Variants in ADAP1 observed in about 807,000 individuals in gnomAD.
ADAP1 encodes arf-GAP with dual PH domain-containing protein 1.
In ADAP1, 31 loss-of-function variants were observed where a neutral mutation model predicts 54.9. The observed-to-expected ratio is 0.56, with a 90% CI of 0.42 to 0.76. The LOEUF is 0.76. Ranked by LOEUF, ADAP1 falls within the 30% of genes least tolerant of loss-of-function variation. ADAP1 has a pLI of 0.00. For synonymous variants in ADAP1, 313 were observed against 202.6 expected (o/e 1.55, Z -4.63); for missense variants, 535 against 512.4 (o/e 1.04, Z -0.42).
chr7:913,705 C>A (rs192635476), intron 4 of ADAP1, among the ~76,000 whole-genome samples: 2 of 151,834 alleles, frequency 1.3e-5, no homozygotes, highest in African/African-American at 4.8e-5. Flanking sequence ...GAGGCCGAGG[C>A]GGGCGGGTCA....
intron 1 of ADAP1, among the ~76,000 whole-genome samples, 166 bp from the exon 2 acceptor site, chr7:935,671 T>TC (rs3215362): frequency 1.7e-3 from 254 of 146,502 alleles, no homozygotes; most frequent in African/African-American, 4.2e-3. Flanking sequence ...TAACCCCAGC[T>TC]CCCCCCCCGC....
intron 3 of ADAP1, chr7:922,906 A>C (rs371034223): frequency 9.1e-6 from 1 of 110,392 alleles, no homozygotes; most frequent in African/African-American, 3.6e-5. Context: ...GGCTGCTACC[A>C]CCTGAACCGC....
intron 1 of ADAP1, among the ~76,000 whole-genome samples, chr7:935,784 G>C (rs955917318): frequency 6.6e-6 from 1 of 152,106 alleles, no homozygotes; most frequent in African/African-American, 2.4e-5. Context: ...GGAACCTCCA[G>C]CAGAGGCCGG....
chr7:927,104 C>G (rs1013799355), intron 2 of ADAP1: 45 of 1,304,086 alleles, frequency 3.5e-5, no homozygotes, highest in Non-Finnish European at 4.4e-5. Flanking sequence ...TGGAGATGGG[C>G]TGGTGAGCGA....
chr7:900,569 G>A lies in ADAP1; in HGVS notation c.696C>T (p.Tyr232=), dbSNP rs1454225590. The change falls in exon 7 of 11, where the codon TAC becomes TAT. Residue 232 remains tyrosine (Y), a synonymous_variant. Coordinates refer to ENST00000265846, the MANE Select transcript of ADAP1 (RefSeq NM_006869.4). ...FNALRAARFH[Y]LQVAFPGAGD... Reference sequence around the variant, plus strand: ...CGGCCCCTGGGAATGCCACCTGCAGGTAGTGGAAGCGAGCAGCTCGGAGTG... The same window carrying A: ...CGGCCCCTGGGAATGCCACCTGCAGATAGTGGAAGCGAGCAGCTCGGAGTG... 6.2e-7 allele frequency: 1 copy of A among 1,611,492 alleles called. No individual in the cohort carries two copies. Among genetic ancestry groups the A allele is most frequent in the African/African-American group, 1.3e-5 (1 of 74,726 alleles).
intron 3 of ADAP1, among the ~76,000 whole-genome samples, chr7:925,437 TCCCTCCTCCCTCTTCCCTCCGGCCTC>T (rs1272421459): frequency 7.3e-6 from 1 of 137,828 alleles, no homozygotes; most frequent in Non-Finnish European, 1.6e-5. Context: ...TCCTCCCCTC[TCCCTCCTCCCTCTTCCCTCCGGCCTC>T]CCCTCCACCC....
At position 954,534 on chromosome 7, in the gene ADAP1, G is replaced by C. The variant is rs1156315189; in HGVS notation, c.-57C>G. 1 of 996,464 alleles carries C rather than the reference G, an allele frequency of 1.0e-6. No individual in the cohort carries two copies. The highest frequency in any genetic ancestry group is 1.8e-5 in the African/African-American group (1 of 56,960). 61.7% of individuals were successfully genotyped at this position (996,464 alleles called of 1,614,324 possible). A position where few individuals can be genotyped will look rare whatever the true frequency, so the allele number is the denominator to read the frequency against. On this transcript the variant is annotated 5_prime_UTR_variant, in exon 1 of 11. Coordinates refer to ENST00000265846, the MANE Select transcript of ADAP1 (RefSeq NM_006869.4). Reference sequence around the variant, plus strand: ...GGCCGGGGCCGGGAGCGTCAGCCCGGCTCGCTAGGGCCCCGCGCAGGCCGC... The same window carrying C: ...GGCCGGGGCCGGGAGCGTCAGCCCGCCTCGCTAGGGCCCCGCGCAGGCCGC...
In ADAP1 at chr7:898,884, A is replaced by T; in HGVS notation, c.*37T>A. ...CCACGGGTCCCCTCCGTCCAGCCACAGTGAGTCCAATGTCCGTGGTCCTCC... is the reference window on the plus strand; with the variant it reads ...CCACGGGTCCCCTCCGTCCAGCCACTGTGAGTCCAATGTCCGTGGTCCTCC... On this transcript the variant is annotated 3_prime_UTR_variant, in exon 11 of 11. Coordinates refer to ENST00000265846, the MANE Select transcript of ADAP1 (RefSeq NM_006869.4). The T allele has an allele frequency of 6.3e-7, 1 of 1,578,300 alleles. No individual in the cohort carries two copies. Among genetic ancestry groups the T allele is most frequent in the Non-Finnish European group, 8.6e-7 (1 of 1,163,684 alleles).
intron 2 of ADAP1, among the ~76,000 whole-genome samples, chr7:931,983 G>A (rs528629255): frequency 9.9e-5 from 15 of 152,248 alleles, no homozygotes; most frequent in African/African-American, 3.6e-4. Flanking sequence ...GCCAGGGGGG[G>A]CCCAGTGCAG....
chr7:931,219 C>G (rs184283833), intron 2 of ADAP1, among the ~76,000 whole-genome samples: 2 of 152,190 alleles, frequency 1.3e-5, no homozygotes, highest in East Asian at 3.9e-4. Context: ...GGACGGTGCT[C>G]AAAGGTGGGA....
intron 2 of ADAP1, among the ~76,000 whole-genome samples, chr7:930,115 A>C (rs1314731578): frequency 6.7e-6 from 1 of 150,064 alleles, no homozygotes; most frequent in African/African-American, 2.4e-5. Context: ...AAAAAAAAAA[A>C]AAAAAAAAAA....
chr7:935,678 C>A (rs964125498), intron 1 of ADAP1, among the ~76,000 whole-genome samples, 173 bp from the exon 2 acceptor site: 40 of 151,658 alleles, frequency 2.6e-4, no homozygotes, highest in African/African-American at 9.3e-4. Context: ...AGCTCCCCCC[C>A]CGCCCTCTGC....
intron 1 of ADAP1, among the ~76,000 whole-genome samples, chr7:947,556 T>A (rs1389149906): frequency 6.6e-6 from 1 of 151,860 alleles, no homozygotes; most frequent in Non-Finnish European, 1.5e-5. Flanking sequence ...GCGAGTGAGG[T>A]GCTGGCTAAA....
chr7:929,156 G>A (rs550825918), intron 2 of ADAP1, among the ~76,000 whole-genome samples: 5 of 152,090 alleles, frequency 3.3e-5, no homozygotes, highest in Non-Finnish European at 7.4e-5. Context: ...GCCGGGCGTG[G>A]TGGTGCACGC....
At chr7:905,550 G>GGAGAAAGGGAAA (rs1845163025) in intron 4 of ADAP1, 1 of 6,084 alleles carries the variant, frequency 1.6e-4, no homozygotes, top group Non-Finnish European at 2.6e-4. Flanking sequence ...GAAGGGAGAA[G>GGAGAAAGGGAAA]GGAGAAAGGA....
rs372899673 is a variant in ADAP1, at chr7:905,021, C to T, written c.501+39G>A. The stretch of plus-strand genomic sequence containing the variant: ...CAGTGTGGGAGGCCGGGATGCCGCC[C>T]TGGGACAGGCCCCCACCCCACCCCC... On this transcript the variant is annotated intron_variant, in intron 5 of 10. Coordinates refer to ENST00000265846, the MANE Select transcript of ADAP1 (RefSeq NM_006869.4). 37 of 1,586,012 alleles carry T rather than the reference C, an allele frequency of 2.3e-5. No homozygotes were observed. In the Middle Eastern group the frequency reaches 1.0e-3, roughly 43 times the overall value.
chr7:921,044 C>G (rs1041793791), intron 3 of ADAP1, among the ~76,000 whole-genome samples: 1 of 152,196 alleles, frequency 6.6e-6, no homozygotes, highest in African/African-American at 2.4e-5. Flanking sequence ...GTGTCCCCCA[C>G]CTGCTACAAC....
chr7:950,343 G>A (rs910802194), intron 1 of ADAP1, among the ~76,000 whole-genome samples: 6 of 152,154 alleles, frequency 3.9e-5, no homozygotes, highest in East Asian at 3.8e-4. Flanking sequence ...AAACTTAGCC[G>A]GGCATGGCAG....
At chr7:950,734 G>C (rs1847246880) in intron 1 of ADAP1, among the ~76,000 whole-genome samples, 1 of 151,568 alleles carries the variant, frequency 6.6e-6, no homozygotes, top group Non-Finnish European at 1.5e-5. Context: ...GCAGGCGCCT[G>C]TAATCCCAGC....
Sources: allele counts gnomAD v4.1 joint callset (sites outside exome capture counted in the v4.1 genomes callset), GRCh38; gene constraint gnomAD v4.1.1; transcripts MANE v1.5; gene names NCBI Gene and HGNC (gene_info 2026-07-23, HGNC 2026-07-21).